The following SPTB variants were observed in gnomAD, a reference collection of about 807,000 sequenced individuals.
SPTB encodes spectrin beta, erythrocytic, also known as spectrin beta chain, erythrocytic.
In SPTB, 45 loss-of-function variants were observed where a neutral mutation model predicts 256.2. The ratio of observed to expected loss-of-function variants is 0.18; its 90% CI spans 0.14 to 0.23. The LOEUF (loss-of-function observed/expected upper bound fraction) is 0.23, where lower values mean the gene tolerates loss of function less well. SPTB is among the 10% of genes least tolerant of loss of function. The probability of loss-of-function intolerance (pLI) is 1.00; values close to 1 mark genes in which losing one functional copy is unlikely to be tolerated. For missense variants in SPTB, 2,715 were observed against 3,040.4 expected (o/e 0.89, Z 2.52); for synonymous variants, 1,231 against 1,243.1 (o/e 0.99, Z 0.21).
At chr14:64,871,325 GTT>G (rs1272197492) in intron 1 of SPTB, among the ~76,000 whole-genome samples, 1 of 151,948 alleles carries the variant, frequency 6.6e-6, no homozygotes, top group Non-Finnish European at 1.5e-5. Context: ...GACAAACTTA[GTT>G]TAAGTAGAGG....
intron 1 of SPTB, among the ~76,000 whole-genome samples, chr14:64,859,907 A>T (rs2083937500): frequency 1.5e-5 from 2 of 135,214 alleles, no homozygotes; most frequent in South Asian, 2.3e-4. Context: ...TTGTGATCAG[A>T]AAAAAAAAAA....
intron 1 of SPTB, among the ~76,000 whole-genome samples, chr14:64,872,581 C>T (rs1882593766): frequency 6.6e-6 from 1 of 152,222 alleles, no homozygotes; most frequent in Admixed American, 6.5e-5. Context: ...GGTTAGCTCT[C>T]CCCATGACAC....
In SPTB at chr14:64,795,481, C is replaced by T. The variant is rs564067421; in HGVS notation, c.1500G>A (p.Thr500=). Residue 500 remains threonine, a synonymous_variant, in exon 12 of 36, where the codon ACG becomes ACA. Transcript: ENST00000644917. This position sits in a 1 kb window ranked among gnomAD's most constrained non-coding sequence, Gnocchi z 6.5. ...GGCGCAGTATATTGTCCTTGCGGGC[C>T]GTGATGCGCTTCTGGTCATGGTAGT... ...KENYHDQKRI[T]ARKDNILRLW... The T allele has an allele frequency of 9.3e-6, 15 of 1,614,158 alleles. No individual in the cohort carries two copies. Among genetic ancestry groups the T allele is most frequent in the Middle Eastern group, 1.6e-4 (1 of 6,062 alleles).
chr14:64,865,841 G>A (rs1006556884), intron 1 of SPTB, among the ~76,000 whole-genome samples: 5 of 152,054 alleles, frequency 3.3e-5, no homozygotes, highest in Non-Finnish European at 5.9e-5. Context: ...TTCACTCCCC[G>A]TACCTGCAAA....
At position 64,795,630 on chromosome 14, in the gene SPTB, C is replaced by A; in HGVS notation, c.1351G>T (p.Gly451Trp). ...NQRLVAQDNFGYDLAAVEAAK... is the reference protein window; with the variant it reads ...NQRLVAQDNFWYDLAAVEAAK... ...GCCTCCACAGCTGCCAGGTCATACC[C>A]AAAGTTATCCTGCCCCACCGGGAGA... The change falls in exon 12 of 36, where the codon GGG (glycine) becomes TGG (tryptophan). Residue 451 changes from glycine to tryptophan, a missense_variant. Coordinates refer to ENST00000644917, the MANE Select transcript of SPTB (RefSeq NM_001355436.2). The surrounding 1 kb of genome is among the most constrained non-coding windows in gnomAD (Gnocchi z 6.5). The A allele has an allele frequency of 6.2e-7, 1 of 1,614,024 alleles. No homozygotes were observed. The highest frequency in any genetic ancestry group is 8.5e-7 in the Non-Finnish European group (1 of 1,180,016).
Position 64,876,423 on chromosome 14 carries a change from T to A in SPTB, c.-52+3369A>T, listed in dbSNP as rs142011338. 5.9e-5 allele frequency among the ~76,000 whole-genome samples: 9 copies of A among 152,318 alleles called. No homozygotes were observed. The East Asian group carries it at 1.7e-3, about 29-fold the overall frequency. ...CTTTAAATCTCCCACTGGTCATGTT[T>A]CCTACCTTTTCAGGTCTTGAGCAGA... On this transcript the variant is annotated intron_variant, in intron 1 of 35. Coordinates refer to ENST00000644917, the MANE Select transcript of SPTB (RefSeq NM_001355436.2).
intron 1 of SPTB, among the ~76,000 whole-genome samples, chr14:64,830,984 G>T (rs918293207): frequency 7.9e-5 from 12 of 152,154 alleles, no homozygotes; most frequent in Non-Finnish European, 1.5e-4. Context: ...AGAAACACAT[G>T]TATAACATGT....
At chr14:64,858,743 A>G (rs2083912961) in intron 1 of SPTB, among the ~76,000 whole-genome samples, 3 of 152,194 alleles carry the variant, frequency 2.0e-5, no homozygotes, top group Non-Finnish European at 2.9e-5. Flanking sequence ...CCTGGGCTAC[A>G]GGAAAGGTCT....
At chr14:64,782,817 T>TAA (rs58435859) in intron 19 of SPTB, among the ~76,000 whole-genome samples, 8,101 of 122,960 alleles carry the variant, frequency 0.066, 286 homozygotes, top group South Asian at 0.13. Context: ...GTTGATGAGT[T>TAA]AAAAAAAAAA....
intron 2 of SPTB, among the ~76,000 whole-genome samples, chr14:64,820,006 G>A (rs1214453408): frequency 6.6e-6 from 1 of 152,156 alleles, no homozygotes; most frequent in Non-Finnish European, 1.5e-5. Context: ...GGCAGAATCA[G>A]GACTTGAATC....
At position 64,759,639 on chromosome 14, in the gene SPTB, G is replaced by T. The variant is rs1327112659; in HGVS notation, c.6346-5846C>A. 6.6e-6 allele frequency among the ~76,000 whole-genome samples: 1 copy of T among 152,254 alleles called. No individual in the cohort carries two copies. Among genetic ancestry groups the T allele is most frequent in the Non-Finnish European group, 1.5e-5 (1 of 68,056 alleles). On this transcript the variant is annotated intron_variant, in intron 32 of 35. Coordinates refer to ENST00000644917, the MANE Select transcript of SPTB (RefSeq NM_001355436.2). This position sits in a 1 kb window ranked among gnomAD's most constrained non-coding sequence, Gnocchi z 4.8. The stretch of plus-strand genomic sequence containing the variant: ...TGAGATGTGACTAAGGGACCGGCAG[G>T]TTCTGCCCAAAGGCAGCATATGGAG...
At chr14:64,828,761 A>T (rs1291217074) in intron 1 of SPTB, among the ~76,000 whole-genome samples, 1 of 152,188 alleles carries the variant, frequency 6.6e-6, no homozygotes, top group Non-Finnish European at 1.5e-5. Context: ...GAAAAGCTGG[A>T]TGCCCAATTT....
At chr14:64,788,688 C>T (rs2082618013) in intron 15 of SPTB, among the ~76,000 whole-genome samples, 1 of 152,202 alleles carries the variant, frequency 6.6e-6, no homozygotes, top group South Asian at 2.1e-4. Context: ...CTGGAGTGGC[C>T]TCACTGTAGC....
At chr14:64,794,171 G>C (rs902116165) in intron 13 of SPTB, among the ~76,000 whole-genome samples, 2 of 152,126 alleles carry the variant, frequency 1.3e-5, no homozygotes, top group African/African-American at 4.8e-5. Context: ...AAGATGCAGT[G>C]AGGTCTCTTA....
In SPTB at chr14:64,842,113, T is replaced by C. The variant is rs559030322; in HGVS notation, c.-51-18968A>G. ...TGCCTAGAGCAAGGGGCAGAAGAGC[T>C]GCCAAGTGCCTGCCATTTCCAGGAA... On this transcript the variant is annotated intron_variant, in intron 1 of 35. Coordinates refer to ENST00000644917, the MANE Select transcript of SPTB (RefSeq NM_001355436.2). Among the ~76,000 whole-genome samples the C allele has an allele frequency of 2.0e-5, 3 of 152,364 alleles. No individual in the cohort carries two copies. In the East Asian group the frequency reaches 5.8e-4, roughly 29 times the overall value.
chr14:64,800,496 G>A (rs1217232188), intron 8 of SPTB, among the ~76,000 whole-genome samples: 1 of 152,192 alleles, frequency 6.6e-6, no homozygotes, highest in Non-Finnish European at 1.5e-5. Flanking sequence ...CTGTGGGGAT[G>A]TCCATGAGAC....
At chr14:64,863,157 G>A (rs1881958686) in intron 1 of SPTB, among the ~76,000 whole-genome samples, 1 of 152,106 alleles carries the variant, frequency 6.6e-6, no homozygotes, top group Non-Finnish European at 1.5e-5. Flanking sequence ...AGTTTTGATG[G>A]TGCCCCAAGA....
chr14:64,768,975 T>A, intron 29 of SPTB, 59 bp downstream of exon 29: 2 of 1,367,768 alleles, frequency 1.5e-6, no homozygotes, highest in Non-Finnish European at 2.1e-6. Context: ...ACCTCCCCAT[T>A]CCCCTACTCC....
intron 32 of SPTB, 182 bp downstream of exon 32, chr14:64,766,544 G>A: frequency 6.5e-7 from 1 of 1,534,374 alleles, no homozygotes; most frequent in Non-Finnish European, 8.7e-7. Context: ...GTACTCTCAT[G>A]AAGAACACCT....
Sources: gnomAD v4.1 joint callset for allele counts (sites outside exome capture counted in the v4.1 genomes callset) on GRCh38, gnomAD v4.1.1 for gene constraint, Gnocchi (gnomAD v3.1) non-coding constraint, MANE v1.5 for transcripts, NCBI Gene and HGNC (gene_info 2026-07-23, HGNC 2026-07-21) for gene names.